Variants in PDK1 observed in about 807,000 individuals in gnomAD.
The protein encoded by PDK1 is pyruvate dehydrogenase kinase 1, also known as [Pyruvate dehydrogenase (acetyl-transferring)] kinase isozyme 1, mitochondrial.
In PDK1, 39 loss-of-function variants were observed where a neutral mutation model predicts 54.2. The observed-to-expected ratio is 0.72, with a 90% confidence interval of 0.56 to 0.94. PDK1 has a LOEUF of 0.94. Ranked by LOEUF, PDK1 falls within the 40% of genes least tolerant of loss-of-function variation. The pLI is 0.00. For synonymous variants in PDK1, 221 were observed against 207.1 expected, an observed-to-expected ratio of 1.07 and a Z score of -0.58; for missense variants, 552 against 566.0, an observed-to-expected ratio of 0.98 and a Z score of 0.25.
the PDK1 span, among the ~76,000 whole-genome samples, chr2:172,639,174 C>T: frequency 6.6e-6 from 1 of 152,218 alleles, no homozygotes; most frequent in Admixed American, 6.5e-5. Context: ...GCATGAGCCA[C>T]CATGCCTAGC....
the PDK1 span, among the ~76,000 whole-genome samples, chr2:172,621,666 T>G: frequency 6.7e-6 from 1 of 148,160 alleles, no homozygotes; most frequent in Non-Finnish European, 1.5e-5. Flanking sequence ...ATCATATATA[T>G]GATATATGTT....
At chr2:172,561,597 C>A (rs940008405) in intron 2 of PDK1, among the ~76,000 whole-genome samples, 1 of 152,202 alleles carries the variant, frequency 6.6e-6, no homozygotes, top group African/African-American at 2.4e-5. Flanking sequence ...ATCAGAAAAT[C>A]ATTTGGCCTT....
At position 172,606,142 on chromosome 2, in the gene PDK1, T is replaced by C. The variant is rs1195216622; in HGVS notation, c.*10173T>C. ...TCGTTGATCAGGCTTCATGAGAATA[T>C]GATCGCTGGGAGAAATATACAGCTA... On this transcript the variant is annotated 3_prime_UTR_variant, in exon 11 of 11. Coordinates refer to ENST00000282077, the MANE Select transcript of PDK1 (RefSeq NM_002610.5). 1 of 152,246 alleles carries C rather than the reference T, an allele frequency of 6.6e-6. No homozygotes were observed. The highest frequency in any genetic ancestry group is 2.4e-5 in the African/African-American group (1 of 41,456). The allele number at this position is 152,246 out of a possible 1,614,324, so 9.4% of individuals were successfully genotyped here.
rs564342001 is a variant in PDK1, at chr2:172,588,164, A to G, written c.1056+1776A>G. Among the ~76,000 whole-genome samples the G allele has an allele frequency of 3.3e-5, 5 of 152,380 alleles. No homozygotes were observed. In the East Asian group the frequency reaches 9.6e-4, roughly 29 times the overall value. ...TCCAGGAGTTGGCATCCATATGTCA[A>G]GGGGCAGACAGACAATGTCAAATGA... On this transcript the variant is annotated intron_variant, in intron 9 of 10. Transcript: ENST00000282077.
rs773893232 is a variant in PDK1, at chr2:172,586,289, A to C, written c.957A>C (p.Arg319=). The C allele has an allele frequency of 1.9e-6, 3 of 1,608,752 alleles. No individual in the cohort carries two copies. Among genetic ancestry groups the C allele is most frequent in the Non-Finnish European group, 1.7e-6 (2 of 1,175,296 alleles). ...TTTTCTTACCTTAGATGAGTGACCGAGGAGGTGGCGTTCCTTTGAGGAAAA... is the reference window on the plus strand; with the variant it reads ...TTTTCTTACCTTAGATGAGTGACCGCGGAGGTGGCGTTCCTTTGAGGAAAA... ...NEDLTVKMSD[R]GGGVPLRKID... Residue 319 remains arginine (R), a synonymous_variant, in exon 9 of 11, where the codon CGA becomes CGC. Transcript: ENST00000282077.
the PDK1 span, among the ~76,000 whole-genome samples, chr2:172,710,287 CAT>C: frequency 3.3e-5 from 5 of 152,318 alleles, no homozygotes; most frequent in African/African-American, 9.6e-5. Flanking sequence ...TCAGCTGAGA[CAT>C]GTGAAAGATG....
In PDK1 at chr2:172,583,281, G is replaced by GTTTTTTTTTTTTTTTTTT. The variant is rs1175087926; in HGVS notation, c.946-2983_946-2966dup. On this transcript the variant is annotated intron_variant, in intron 8 of 10. Coordinates refer to ENST00000282077, the MANE Select transcript of PDK1 (RefSeq NM_002610.5). ...CATAATGCTGCATAAAAGTTTTCTG[G>GTTTTTTTTTTTTTTTTTT]TTTTTTTTTTTTTTTTTTTTTTTTT... is the stretch of plus-strand genomic sequence containing the variant. 7.0e-4 allele frequency among the ~76,000 whole-genome samples: 54 copies of GTTTTTTTTTTTTTTTTTT among 77,072 alleles called. 5 individuals carry two copies. Among genetic ancestry groups the GTTTTTTTTTTTTTTTTTT allele is most frequent in the African/African-American group, 2.5e-3 (47 of 18,478 alleles). 50.6% of individuals were successfully genotyped at this position (77,072 alleles called of 152,430 possible).
At chr2:172,580,204 A>G (rs1375072298) in intron 8 of PDK1, among the ~76,000 whole-genome samples, 1 of 149,914 alleles carries the variant, frequency 6.7e-6, no homozygotes, top group Non-Finnish European at 1.5e-5. Flanking sequence ...TGGCGATGCC[A>G]TCTGTTTGCT....
the PDK1 span, among the ~76,000 whole-genome samples, chr2:172,664,060 C>G: frequency 1.3e-5 from 2 of 149,752 alleles, no homozygotes; most frequent in African/African-American, 4.9e-5. Context: ...ACCTGTAATC[C>G]CAGCACTTTG....
At chr2:172,613,991 G>C in the PDK1 span, among the ~76,000 whole-genome samples, 4 of 152,128 alleles carry the variant, frequency 2.6e-5, no homozygotes, top group African/African-American at 7.2e-5. Flanking sequence ...TGCAGCTGCC[G>C]CACCCACAGC....
rs1212045811 is a variant in PDK1 at position 172,598,744 on chromosome 2, T to TA, written c.*2779dup. 1 of 152,222 alleles carries TA rather than the reference T, an allele frequency of 6.6e-6. No individual in the cohort carries two copies. The highest frequency in any genetic ancestry group is 1.5e-5 in the Non-Finnish European group (1 of 68,030). The allele number at this position is 152,222 out of a possible 1,614,324, so 9.4% of individuals were successfully genotyped here. A position where few individuals can be genotyped will look rare whatever the true frequency, so the allele number is the denominator to read the frequency against. On this transcript the variant is annotated 3_prime_UTR_variant, in exon 11 of 11. Coordinates refer to ENST00000282077, the MANE Select transcript of PDK1 (RefSeq NM_002610.5). Reference sequence around the variant, plus strand: ...AGTAGAAGTCTACCATATTATTTTATAAAATGTTTTCTGTATGGCAATAAA... The same window carrying TA: ...AGTAGAAGTCTACCATATTATTTTATAAAAATGTTTTCTGTATGGCAATAAA...
chr2:172,700,336 G>T, the PDK1 span, among the ~76,000 whole-genome samples: 101 of 114,548 alleles, frequency 8.8e-4, no homozygotes, highest in Middle Eastern at 5.6e-3. Flanking sequence ...GGGCGGCCGG[G>T]CAGAGGCGCC....
chr2:172,622,925 A>G, the PDK1 span, among the ~76,000 whole-genome samples: 12 of 148,694 alleles, frequency 8.1e-5, 1 homozygote, highest in Admixed American at 7.4e-4. Context: ...TATATATAGT[A>G]GGAGATATAT....
the PDK1 span, among the ~76,000 whole-genome samples, chr2:172,698,688 G>A: frequency 6.6e-6 from 1 of 152,230 alleles, no homozygotes. Flanking sequence ...AAATTCCCAG[G>A]TGACGCTGAA....
At chr2:172,660,243 C>CTTTTT in the PDK1 span, among the ~76,000 whole-genome samples, 6 of 34,188 alleles carry the variant, frequency 1.8e-4, no homozygotes, top group Non-Finnish European at 2.8e-4. Flanking sequence ...CTCTCTCTCT[C>CTTTTT]TCTCTTTTTT....
In PDK1 at chr2:172,602,283, A is replaced by G. The variant is rs1691141551; in HGVS notation, c.*6314A>G. On this transcript the variant is annotated 3_prime_UTR_variant, in exon 11 of 11. Transcript: ENST00000282077. ...AATGTAGCAGTGCATAAAATATTGT[A>G]TCATGAGCAAAAGGAGAATCTTTCC... The G allele has an allele frequency of 6.6e-6, 1 of 152,262 alleles. No individual in the cohort carries two copies. The highest frequency in any genetic ancestry group is 6.5e-5 in the Admixed American group (1 of 15,288). The allele number at this position is 152,262 out of a possible 1,614,324, so 9.4% of individuals were successfully genotyped here.
chr2:172,557,610 CGT>C (rs55753852), intron 1 of PDK1, among the ~76,000 whole-genome samples: 17,220 of 141,742 alleles, frequency 0.12, 1,007 homozygotes, highest in Non-Finnish European at 0.13. Flanking sequence ...TCTTTTTTCC[CGT>C]GTGTGTGTGT....
chr2:172,650,863 C>G, the PDK1 span, among the ~76,000 whole-genome samples: 2 of 152,204 alleles, frequency 1.3e-5, no homozygotes, highest in African/African-American at 4.8e-5. Context: ...GAGACTTAGA[C>G]TCCCACACAA....
At chr2:172,712,637 G>C in the PDK1 span, among the ~76,000 whole-genome samples, 1 of 152,200 alleles carries the variant, frequency 6.6e-6, no homozygotes, top group Non-Finnish European at 1.5e-5. Flanking sequence ...CGGGAATGCA[G>C]TGGCACCTGA....
Sources: gnomAD v4.1 joint callset for allele counts (sites outside exome capture counted in the v4.1 genomes callset) on GRCh38, gnomAD v4.1.1 for gene constraint, MANE v1.5 for transcripts, NCBI Gene and HGNC (gene_info 2026-07-23, HGNC 2026-07-21) for gene names.